The following INPP4B variants were observed in gnomAD, a reference collection of about 807,000 sequenced individuals.
INPP4B encodes the protein inositol polyphosphate 4-phosphatase type II.
In INPP4B, 55 loss-of-function variants were observed where a neutral mutation model predicts 122.5. The ratio of observed to expected loss-of-function variants is 0.45; its 90% CI spans 0.36 to 0.56. The LOEUF (loss-of-function observed/expected upper bound fraction) is 0.56. Among genes scored for constraint, INPP4B ranks in the 20% least tolerant of loss-of-function variants. The pLI, the probability that INPP4B is intolerant of heterozygous loss-of-function variation, is 0.00. For missense variants in INPP4B, 1,000 were observed against 1,097.7 expected, an observed-to-expected ratio of 0.91 and a Z score of 1.26; for synonymous variants, 403 against 388.7, an observed-to-expected ratio of 1.04 and a Z score of -0.43.
intron 21 of INPP4B, among the ~76,000 whole-genome samples, chr4:142,114,807 C>G (rs990402288): frequency 3.3e-5 from 5 of 151,626 alleles, no homozygotes; most frequent in Admixed American, 6.6e-5. Context: ...TTTTATGGGT[C>G]TTGATTTTTG....
chr4:142,289,177 T>G (rs1430817240), intron 9 of INPP4B, among the ~76,000 whole-genome samples: 1 of 152,214 alleles, frequency 6.6e-6, no homozygotes, highest in East Asian at 1.9e-4. Flanking sequence ...CAGTGAATTT[T>G]TAAAATATGG....
intron 2 of INPP4B, among the ~76,000 whole-genome samples, chr4:142,687,559 CAA>C (rs3080815): frequency 0.66 from 66,404 of 100,586 alleles, 20,706 homozygotes; most frequent in East Asian, 0.75. Flanking sequence ...ATCCTTCCTC[CAA>C]AAAAAAAAAA....
intron 2 of INPP4B, among the ~76,000 whole-genome samples, chr4:142,718,207 A>G (rs1764052832): frequency 6.6e-6 from 1 of 152,204 alleles, no homozygotes. Flanking sequence ...GAAATAGCCC[A>G]AAGGAAACCC....
At chr4:142,382,590 C>A (rs1351213525) in intron 7 of INPP4B, among the ~76,000 whole-genome samples, 12 of 137,924 alleles carry the variant, frequency 8.7e-5, no homozygotes, top group East Asian at 6.1e-4. Context: ...TATATATATA[C>A]TATAAATATA....
chr4:142,141,810 A>G (rs1293597613), intron 18 of INPP4B, among the ~76,000 whole-genome samples: 1 of 152,136 alleles, frequency 6.6e-6, no homozygotes, highest in African/African-American at 2.4e-5. Context: ...CTGTTTAGCC[A>G]TGTTAAGTAT....
intron 1 of INPP4B, among the ~76,000 whole-genome samples, chr4:142,767,220 T>A (rs1207669971): frequency 2.0e-5 from 3 of 152,082 alleles, no homozygotes; most frequent in African/African-American, 7.2e-5. Context: ...CTTCTTCCGG[T>A]GGGGGAGGGG....
intron 25 of INPP4B, among the ~76,000 whole-genome samples, chr4:142,065,034 A>G (rs969207199): frequency 3.3e-5 from 5 of 152,154 alleles, no homozygotes; most frequent in African/African-American, 1.2e-4. Context: ...TAAATTTAGG[A>G]AGAGTCTTGA....
chr4:142,357,167 T>A (rs1452508964), intron 7 of INPP4B, among the ~76,000 whole-genome samples: 1 of 151,948 alleles, frequency 6.6e-6, no homozygotes, highest in East Asian at 1.9e-4. Flanking sequence ...GTGAACCACT[T>A]TAGGAAATTA....
At chr4:142,669,316 C>T (rs1756641984) in intron 2 of INPP4B, among the ~76,000 whole-genome samples, 1 of 151,678 alleles carries the variant, frequency 6.6e-6, no homozygotes, top group Non-Finnish European at 1.5e-5. Context: ...AAACATAATC[C>T]CAAAATTCAT....
chr4:142,790,405 G>A (rs1023537515), intron 1 of INPP4B, among the ~76,000 whole-genome samples: 1 of 151,898 alleles, frequency 6.6e-6, no homozygotes, highest in African/African-American at 2.4e-5. Flanking sequence ...GTGGGCTAAG[G>A]ACATGAATAG....
chr4:142,272,321 C>T (rs376481221), intron 9 of INPP4B, among the ~76,000 whole-genome samples: 4 of 151,816 alleles, frequency 2.6e-5, no homozygotes, highest in South Asian at 2.1e-4. Flanking sequence ...AATTAAAACA[C>T]GACTTTTGAA....
At chr4:142,141,888 A>G (rs184751901) in intron 18 of INPP4B, among the ~76,000 whole-genome samples, 188 of 152,198 alleles carry the variant, frequency 1.2e-3, no homozygotes, top group Non-Finnish European at 2.3e-3. Context: ...AAAAAGAAAA[A>G]CTGTCATAGG....
intron 1 of INPP4B, among the ~76,000 whole-genome samples, chr4:142,840,755 C>T (rs906023963): frequency 6.6e-6 from 1 of 152,036 alleles, no homozygotes; most frequent in Non-Finnish European, 1.5e-5. Context: ...ACACCAAATG[C>T]ACAATGGATG....
Position 142,222,439 on chromosome 4 carries a change from C to T in INPP4B, c.837-13413G>A, listed in dbSNP as rs530375202. Among the ~76,000 whole-genome samples the T allele has an allele frequency of 1.8e-4, 28 of 152,312 alleles. No individual in the cohort carries two copies. The South Asian group carries it at 5.2e-3, about 28-fold the overall frequency. On this transcript the variant is annotated intron_variant, in intron 12 of 25. Transcript: ENST00000262992. ...TGACTACCCTGGTCTAAGCCACCAT[C>T]ATCAAAAGCCTAGGCACCCATAGTA...
At chr4:142,595,337 C>T (rs201315592) in intron 2 of INPP4B, among the ~76,000 whole-genome samples, 1 of 151,930 alleles carries the variant, frequency 6.6e-6, no homozygotes, top group Admixed American at 6.6e-5. Context: ...AAAGATTCTA[C>T]AGCTACCAAT....
chr4:142,398,468 T>C (rs1800475550), intron 7 of INPP4B, among the ~76,000 whole-genome samples: 1 of 129,720 alleles, frequency 7.7e-6, no homozygotes, highest in Non-Finnish European at 1.6e-5. Flanking sequence ...ACATAGTGCT[T>C]GGCATATACT....
chr4:142,841,828 C>A (rs1452862158), intron 1 of INPP4B, among the ~76,000 whole-genome samples: 1 of 151,836 alleles, frequency 6.6e-6, no homozygotes, highest in Non-Finnish European at 1.5e-5. Flanking sequence ...GTCAGCATGA[C>A]AATTAAAGTT....
chr4:142,697,181 G>A (rs1479945520), intron 2 of INPP4B, among the ~76,000 whole-genome samples: 1 of 152,122 alleles, frequency 6.6e-6, no homozygotes, highest in Non-Finnish European at 1.5e-5. Flanking sequence ...TCCAGGAAAA[G>A]GAGACATTTA....
At chr4:142,421,207 T>G (rs1420435431) in intron 5 of INPP4B, among the ~76,000 whole-genome samples, 1 of 152,162 alleles carries the variant, frequency 6.6e-6, no homozygotes. Context: ...TTGTTGTCTT[T>G]ATTTTTGTTG....
Sources: gnomAD v4.1 joint callset for allele counts (sites outside exome capture counted in the v4.1 genomes callset) on GRCh38, gnomAD v4.1.1 for gene constraint, MANE v1.5 for transcripts, NCBI Gene and HGNC (gene_info 2026-07-23, HGNC 2026-07-21) for gene names.